EXOC6B: variants seen among roughly 807,000 people sequenced by gnomAD.
The protein encoded by EXOC6B is SEC15 homolog B.
A neutral mutation model predicts 113.5 loss-of-function variants in EXOC6B; 54 were observed. That is an observed-to-expected ratio of 0.48 (90% CI 0.38 to 0.60). EXOC6B has a LOEUF of 0.60. Among genes scored for constraint, EXOC6B ranks in the 20% least tolerant of loss-of-function variants. The pLI, the probability that EXOC6B is intolerant of heterozygous loss-of-function variation, is 0.00. For missense variants in EXOC6B, 797 were observed against 977.5 expected (o/e 0.82, Z 2.46); for synonymous variants, 357 against 339.0 (o/e 1.05, Z -0.58).
At chr2:72,457,025 G>A (rs1697279635) in intron 18 of EXOC6B, among the ~76,000 whole-genome samples, 1 of 150,194 alleles carries the variant, frequency 6.7e-6, no homozygotes, top group Non-Finnish European at 1.5e-5. Context: ...AAAAAAAAAA[G>A]ACCCAGGGTA....
chr2:72,187,313 A>T (rs928284548), intron 20 of EXOC6B, among the ~76,000 whole-genome samples: 3 of 151,640 alleles, frequency 2.0e-5, no homozygotes, highest in Non-Finnish European at 4.4e-5. Context: ...CTTCACCCAT[A>T]ATGTGGCAAG....
intron 18 of EXOC6B, among the ~76,000 whole-genome samples, chr2:72,391,713 T>C (rs1020221724): frequency 6.6e-6 from 1 of 152,156 alleles, no homozygotes; most frequent in African/African-American, 2.4e-5. Context: ...GTTCCACCTA[T>C]CTCATATGCT....
At chr2:72,489,226 T>C (rs1164899662) in intron 16 of EXOC6B, among the ~76,000 whole-genome samples, 2 of 152,218 alleles carry the variant, frequency 1.3e-5, no homozygotes, top group African/African-American at 2.4e-5. Flanking sequence ...AAAATTGACT[T>C]AATTATTTTG....
chr2:72,233,811 A>T lies in EXOC6B; in HGVS notation c.2197-49624T>A, dbSNP rs540635759. On this transcript the variant is annotated intron_variant, in intron 20 of 21. Transcript: ENST00000272427. ...GGCAGCCACAGCTTCCTGCTGTCCC[A>T]AGAAGCACCCTACGGCAGGGTGTGT... 2.0e-5 allele frequency among the ~76,000 whole-genome samples: 3 copies of T among 152,278 alleles called. No individual in the cohort carries two copies. The South Asian group carries it at 6.2e-4, about 32-fold the overall frequency.
At chr2:72,220,706 GA>G (rs924455075) in intron 20 of EXOC6B, among the ~76,000 whole-genome samples, 4 of 151,828 alleles carry the variant, frequency 2.6e-5, no homozygotes, top group African/African-American at 7.3e-5. Flanking sequence ...TACTTTATAA[GA>G]AAAAAAATCT....
chr2:72,421,817 G>A (rs990053314), intron 18 of EXOC6B, among the ~76,000 whole-genome samples: 2 of 152,210 alleles, frequency 1.3e-5, no homozygotes, highest in Admixed American at 6.5e-5. Context: ...AGCTTGCAGC[G>A]AGGTGTGGAG....
chr2:72,789,485 A>G (rs1285455654), intron 1 of EXOC6B, among the ~76,000 whole-genome samples: 2 of 152,204 alleles, frequency 1.3e-5, no homozygotes, highest in African/African-American at 4.8e-5. Context: ...TCAAATGTGA[A>G]TTAATAATAG....
chr2:72,255,699 T>A (rs1683312518), intron 20 of EXOC6B, among the ~76,000 whole-genome samples: 1 of 152,186 alleles, frequency 6.6e-6, no homozygotes, highest in South Asian at 2.1e-4. Flanking sequence ...CCAGGGTGCA[T>A]CATACCCAGA....
chr2:72,291,362 T>G (rs1024669399), intron 20 of EXOC6B, among the ~76,000 whole-genome samples: 2 of 152,208 alleles, frequency 1.3e-5, no homozygotes, highest in Non-Finnish European at 2.9e-5. Flanking sequence ...CATGTCGGAC[T>G]GAGAAATTCA....
intron 19 of EXOC6B, among the ~76,000 whole-genome samples, chr2:72,371,332 C>T (rs1396131366): frequency 6.6e-6 from 1 of 152,150 alleles, no homozygotes; most frequent in Non-Finnish European, 1.5e-5. Flanking sequence ...TACTTCCAAA[C>T]TCATTCTACA....
intron 20 of EXOC6B, among the ~76,000 whole-genome samples, chr2:72,230,741 T>G (rs1378158491): frequency 1.2e-4 from 19 of 152,176 alleles, no homozygotes; most frequent in Admixed American, 1.2e-3. Context: ...AGACTCTCAG[T>G]GCTACTAGAA....
rs367789427 is a variant in EXOC6B at position 72,627,977 on chromosome 2, A to C, written c.670-52309T>G. On this transcript the variant is annotated intron_variant, in intron 6 of 21. Transcript: ENST00000272427. ...TTACTTTTATAGGGGTAGGATTTAG[A>C]AGCCATTTGAAGTGGAGAAATCACT... is the stretch of plus-strand genomic sequence containing the variant. 3.3e-5 allele frequency among the ~76,000 whole-genome samples: 5 copies of C among 152,168 alleles called. No individual in the cohort carries two copies. The East Asian group carries it at 5.8e-4, about 18-fold the overall frequency.
At chr2:72,607,361 G>A (rs1336330242) in intron 6 of EXOC6B, among the ~76,000 whole-genome samples, 5 of 151,990 alleles carry the variant, frequency 3.3e-5, no homozygotes, top group South Asian at 2.1e-4. Context: ...AGATGCCAGC[G>A]CCATGCTTTT....
intron 10 of EXOC6B, among the ~76,000 whole-genome samples, chr2:72,513,829 T>C (rs1701071291): frequency 6.6e-6 from 1 of 152,068 alleles, no homozygotes; most frequent in Admixed American, 6.6e-5. Context: ...ATTTAAAATG[T>C]AGCCTGCATT....
chr2:72,276,922 C>T (rs1684838511), intron 20 of EXOC6B, among the ~76,000 whole-genome samples: 1 of 152,186 alleles, frequency 6.6e-6, no homozygotes, highest in Non-Finnish European at 1.5e-5. Flanking sequence ...TGCTTTCTTA[C>T]AGCCTGATAT....
chr2:72,554,974 C>T (rs1420875407), intron 8 of EXOC6B, among the ~76,000 whole-genome samples: 1 of 151,754 alleles, frequency 6.6e-6, no homozygotes, highest in East Asian at 1.9e-4. Flanking sequence ...TCTCATTGTT[C>T]AACTCCCACC....
chr2:72,792,965 T>C (rs1454487996), intron 1 of EXOC6B, among the ~76,000 whole-genome samples: 1 of 152,226 alleles, frequency 6.6e-6, no homozygotes, highest in Non-Finnish European at 1.5e-5. Context: ...ATGTTCTGTT[T>C]ATTTCAGTAT....
At chr2:72,770,705 A>G (rs1265817826) in intron 1 of EXOC6B, among the ~76,000 whole-genome samples, 1 of 152,142 alleles carries the variant, frequency 6.6e-6, no homozygotes. Flanking sequence ...GTAAAGCACT[A>G]AGATAATACT....
At chr2:72,455,527 T>C (rs1264905993) in intron 18 of EXOC6B, among the ~76,000 whole-genome samples, 3 of 152,290 alleles carry the variant, frequency 2.0e-5, no homozygotes, top group East Asian at 3.9e-4. Flanking sequence ...AGAGGTATTA[T>C]ATAGCCTAGT....
Sources: gnomAD v4.1 joint callset for allele counts (sites outside exome capture counted in the v4.1 genomes callset) on GRCh38, gnomAD v4.1.1 for gene constraint, MANE v1.5 for transcripts, NCBI Gene and HGNC (gene_info 2026-07-23, HGNC 2026-07-21) for gene names.